SLC6A11: variants seen among roughly 807,000 people sequenced by gnomAD.
The protein encoded by SLC6A11 is sodium- and chloride-dependent GABA transporter 3.
SLC6A11 carries 25 observed loss-of-function variants against 74.8 expected under a neutral mutation model. The observed-to-expected ratio is 0.33, with a 90% CI of 0.24 to 0.47. The LOEUF is 0.47. Ranked by LOEUF, SLC6A11 falls within the 20% of genes least tolerant of loss-of-function variation. The pLI is 1.00. For missense variants in SLC6A11, 574 were observed against 837.0 expected (o/e 0.69, Z 3.88); for synonymous variants, 330 against 330.2 (o/e 1.00, Z 0.01).
chr3:10,820,064 G>GACT (rs1694118428), intron 3 of SLC6A11, among the ~76,000 whole-genome samples: 1 of 152,250 alleles, frequency 6.6e-6, no homozygotes, highest in African/African-American at 2.4e-5. Flanking sequence ...TTGGCCCAGA[G>GACT]ACTGGCATGG....
At chr3:10,907,425 C>G (rs1426504446) in intron 6 of SLC6A11, among the ~76,000 whole-genome samples, 1 of 152,134 alleles carries the variant, frequency 6.6e-6, no homozygotes, top group East Asian at 1.9e-4. Flanking sequence ...GTCCAACATA[C>G]ATACGAGTCC....
At chr3:10,864,174 G>A (rs1024566494) in intron 5 of SLC6A11, among the ~76,000 whole-genome samples, 3 of 151,800 alleles carry the variant, frequency 2.0e-5, no homozygotes, top group African/African-American at 7.3e-5. Context: ...ATAGAGTCTT[G>A]GACTCTCAGG....
At chr3:10,904,572 C>T (rs1189656542) in intron 6 of SLC6A11, among the ~76,000 whole-genome samples, 3 of 152,206 alleles carry the variant, frequency 2.0e-5, no homozygotes, top group Admixed American at 1.3e-4. Flanking sequence ...GTTTTCCCTT[C>T]AAATTGTGTC....
intron 6 of SLC6A11, among the ~76,000 whole-genome samples, chr3:10,890,739 A>T (rs1454239460): frequency 6.6e-6 from 1 of 152,152 alleles, no homozygotes; most frequent in Non-Finnish European, 1.5e-5. Context: ...TTTCTACAGG[A>T]TTACATTTTC....
chr3:10,911,248 A>G (rs563102164), intron 6 of SLC6A11, among the ~76,000 whole-genome samples: 2 of 152,352 alleles, frequency 1.3e-5, no homozygotes, highest in Admixed American at 6.5e-5. Context: ...TCCAGATGGC[A>G]TTTGATACCT....
intron 6 of SLC6A11, among the ~76,000 whole-genome samples, chr3:10,881,109 A>G (rs1418632097): frequency 6.6e-6 from 1 of 152,120 alleles, no homozygotes; most frequent in Non-Finnish European, 1.5e-5. Context: ...TATACATTAG[A>G]GTGGGCTTAA....
chr3:10,851,980 T>G (rs73115404), intron 5 of SLC6A11, among the ~76,000 whole-genome samples: 7,747 of 152,302 alleles, frequency 0.051, 328 homozygotes, highest in East Asian at 0.12. Flanking sequence ...CACAGAAAAC[T>G]TATTCTACAG....
chr3:10,902,604 A>G (rs1199823468), intron 6 of SLC6A11, among the ~76,000 whole-genome samples: 1 of 152,240 alleles, frequency 6.6e-6, no homozygotes, highest in Non-Finnish European at 1.5e-5. Context: ...GAGGTGAAGT[A>G]ATTTGCCCAG....
intron 6 of SLC6A11, among the ~76,000 whole-genome samples, chr3:10,879,990 CA>C (rs1455965565): frequency 1.3e-5 from 2 of 152,024 alleles, no homozygotes; most frequent in Non-Finnish European, 2.9e-5. Context: ...GGCAAATGTT[CA>C]AAAAATATTT....
At chr3:10,874,534 A>T (rs1694884556) in intron 5 of SLC6A11, among the ~76,000 whole-genome samples, 1 of 152,158 alleles carries the variant, frequency 6.6e-6, no homozygotes, top group African/African-American at 2.4e-5. Context: ...AGAACACTTA[A>T]CATGAGATCT....
intron 6 of SLC6A11, among the ~76,000 whole-genome samples, chr3:10,909,989 C>T (rs571871988): frequency 1.3e-5 from 2 of 152,172 alleles, no homozygotes; most frequent in East Asian, 1.9e-4. Flanking sequence ...CCCCACACAT[C>T]GAAATGTCTG....
rs1197023335 is a variant in SLC6A11 at position 10,940,205 on chromosome 3, C to G, written c.*1803C>G. ...GCTTCTTATGGGCAAGCCACCATCC[C>G]ACTCTCGTCTCCCTGAGCTGTCTGG... On this transcript the variant is annotated 3_prime_UTR_variant, in exon 14 of 14. Coordinates refer to ENST00000254488, the MANE Select transcript of SLC6A11 (RefSeq NM_014229.3). 1 of 152,242 alleles carries G rather than the reference C, an allele frequency of 6.6e-6. No individual in the cohort carries two copies. Among genetic ancestry groups the G allele is most frequent in the Non-Finnish European group, 1.5e-5 (1 of 68,076 alleles). 9.4% of individuals were successfully genotyped at this position (152,242 alleles called of 1,614,324 possible).
intron 6 of SLC6A11, among the ~76,000 whole-genome samples, chr3:10,882,616 A>G (rs1451825128): frequency 6.6e-6 from 1 of 152,242 alleles, no homozygotes; most frequent in South Asian, 2.1e-4. Flanking sequence ...GGACCAAACA[A>G]GTGAACAAAG....
rs543028397 is a variant in SLC6A11, at chr3:10,848,229, C to T, written c.756+3883C>T. 5.9e-5 allele frequency among the ~76,000 whole-genome samples: 9 copies of T among 152,284 alleles called. No individual in the cohort carries two copies. In the East Asian group the frequency reaches 1.5e-3, roughly 26 times the overall value. On this transcript the variant is annotated intron_variant, in intron 5 of 13. Transcript: ENST00000254488. ...CTGGCCTTTCATCAGTAGACCTGGC[C>T]TGCATCTGCCATGTGGGGACTATGG... is the stretch of plus-strand genomic sequence containing the variant.
Position 10,816,231 on chromosome 3 carries a change from G to C in SLC6A11, c.-35G>C. ...CCAGCTCGCCCGGGGCGGCGGCGCA[G>C]AGCCGGGCCGGCGCACGAGGCAGCC... On this transcript the variant is annotated 5_prime_UTR_variant, in exon 1 of 14. Transcript: ENST00000254488. The surrounding 1 kb of genome is among the most constrained non-coding windows in gnomAD (Gnocchi z 4.2). 2 of 1,281,040 alleles carry C rather than the reference G, an allele frequency of 1.6e-6. No individual in the cohort carries two copies. The highest frequency in any genetic ancestry group is 2.0e-6 in the Non-Finnish European group (2 of 1,018,462). The allele number at this position is 1,281,040 out of a possible 1,614,324, so 79.4% of individuals were successfully genotyped here.
intron 5 of SLC6A11, among the ~76,000 whole-genome samples, chr3:10,849,440 T>A (rs1694544674): frequency 6.6e-6 from 1 of 152,160 alleles, no homozygotes; most frequent in Admixed American, 6.5e-5. Flanking sequence ...CTGAAACCAC[T>A]CAGCCATGTT....
intron 5 of SLC6A11, among the ~76,000 whole-genome samples, chr3:10,858,036 G>A (rs1486647018): frequency 6.6e-6 from 1 of 152,130 alleles, no homozygotes; most frequent in African/African-American, 2.4e-5. Context: ...TTTTCTCCAT[G>A]TTTTACATTT....
intron 1 of SLC6A11, among the ~76,000 whole-genome samples, chr3:10,819,197 T>C (rs1461573983): frequency 6.6e-6 from 1 of 152,210 alleles, no homozygotes; most frequent in Non-Finnish European, 1.5e-5. Flanking sequence ...ATTATCATCT[T>C]AGCTGCATTA....
intron 4 of SLC6A11, among the ~76,000 whole-genome samples, chr3:10,833,381 G>A (rs1222328554): frequency 6.6e-6 from 1 of 152,212 alleles, no homozygotes; most frequent in Non-Finnish European, 1.5e-5. Flanking sequence ...TTAAGTGTAA[G>A]GGGTGGAGGC....
Sources: allele counts gnomAD v4.1 joint callset (sites outside exome capture counted in the v4.1 genomes callset), GRCh38; gene constraint gnomAD v4.1.1; non-coding constraint Gnocchi (gnomAD v3.1); transcripts MANE v1.5; gene names NCBI Gene and HGNC (gene_info 2026-07-23, HGNC 2026-07-21).